NDST4: variants seen among roughly 807,000 people sequenced by gnomAD.
NDST4 encodes N-heparan sulfate sulfotransferase 4.
NDST4 carries 63 observed loss-of-function variants against 100.8 expected under a neutral mutation model. The observed-to-expected ratio is 0.62, with a 90% CI of 0.51 to 0.77. The LOEUF (loss-of-function observed/expected upper bound fraction) is 0.77, where lower values mean the gene tolerates loss of function less well. Among genes scored for constraint, NDST4 ranks in the 30% least tolerant of loss-of-function variants. The probability of loss-of-function intolerance (pLI) is 0.00; values close to 1 mark genes in which losing one functional copy is unlikely to be tolerated. For missense variants in NDST4, 943 were observed against 1,018.4 expected, an observed-to-expected ratio of 0.93 and a Z score of 1.01; for synonymous variants, 377 against 361.8, an observed-to-expected ratio of 1.04 and a Z score of -0.48.
intron 7 of NDST4, among the ~76,000 whole-genome samples, chr4:114,856,224 A>G (rs578135783): frequency 6.6e-6 from 1 of 152,008 alleles, no homozygotes; most frequent in Admixed American, 6.6e-5. Context: ...AACCATGCCC[A>G]GTTAATCTTT....
intron 13 of NDST4, 140 bp downstream of exon 13, chr4:114,829,650 C>G (rs1723151823): frequency 3.6e-6 from 2 of 549,080 alleles, no homozygotes; most frequent in Non-Finnish European, 6.3e-6. Flanking sequence ...TGTCAATTAT[C>G]TCTATCATCC....
At chr4:115,071,453 T>C (rs1359363194) in intron 2 of NDST4, among the ~76,000 whole-genome samples, 6 of 152,142 alleles carry the variant, frequency 3.9e-5, no homozygotes, top group Admixed American at 3.3e-4. Context: ...TTTTTATCCC[T>C]AACACTCTTG....
Position 114,879,664 on chromosome 4 carries a change from T to C in NDST4, c.1537-8714A>G, listed in dbSNP as rs561942263. On this transcript the variant is annotated intron_variant, in intron 6 of 13. Transcript: ENST00000264363. ...GAGTAGTAAAATACCTGGCACATAATAGGTATGCAAAAAATATTTATTGAA... is the reference window on the plus strand; with the variant it reads ...GAGTAGTAAAATACCTGGCACATAACAGGTATGCAAAAAATATTTATTGAA... 5.3e-5 allele frequency among the ~76,000 whole-genome samples: 8 copies of C among 152,284 alleles called. No individual in the cohort carries two copies. The East Asian group carries it at 1.5e-3, about 29-fold the overall frequency.
rs528938950 is a variant in NDST4, at chr4:114,878,519, T to C, written c.1537-7569A>G. Among the ~76,000 whole-genome samples the C allele has an allele frequency of 1.6e-3, 242 of 152,294 alleles. 3 individuals carry two copies. Among genetic ancestry groups the C allele is most frequent in the East Asian group, 1.5e-3 (8 of 5,186 alleles). ...TCTGAAAATATTTAAAAAATCAGATTGCTATAATATTCATATTGTTTTGAT... is the reference window on the plus strand; with the variant it reads ...TCTGAAAATATTTAAAAAATCAGATCGCTATAATATTCATATTGTTTTGAT... On this transcript the variant is annotated intron_variant, in intron 6 of 13. Coordinates refer to ENST00000264363, the MANE Select transcript of NDST4 (RefSeq NM_022569.3).
chr4:114,925,062 T>C (rs567949773), intron 6 of NDST4, among the ~76,000 whole-genome samples: 2 of 152,256 alleles, frequency 1.3e-5, no homozygotes, highest in African/African-American at 4.8e-5. Context: ...GAAATATTAA[T>C]ATATTATTTT....
intron 6 of NDST4, among the ~76,000 whole-genome samples, chr4:114,880,610 A>G (rs1421306052): frequency 6.6e-6 from 1 of 152,184 alleles, no homozygotes; most frequent in Non-Finnish European, 1.5e-5. Context: ...TATTCAAGCA[A>G]TCAACCAATT....
chr4:114,966,653 G>A (rs928720777), intron 4 of NDST4, among the ~76,000 whole-genome samples: 3 of 151,994 alleles, frequency 2.0e-5, no homozygotes, highest in African/African-American at 7.2e-5. Context: ...CTTAAAAAAA[G>A]GATTTAAAGA....
intron 2 of NDST4, among the ~76,000 whole-genome samples, chr4:114,992,357 C>A (rs1198747867): frequency 6.6e-6 from 1 of 151,676 alleles, no homozygotes; most frequent in African/African-American, 2.4e-5. Context: ...TCTTCTCACT[C>A]CCGCCCCACC....
intron 2 of NDST4, among the ~76,000 whole-genome samples, chr4:114,985,080 A>T (rs1726869921): frequency 6.6e-6 from 1 of 152,208 alleles, no homozygotes; most frequent in African/African-American, 2.4e-5. Context: ...TTAATTAATT[A>T]AAAATGAGTG....
chr4:114,982,855 G>A (rs1230664073), intron 2 of NDST4, among the ~76,000 whole-genome samples: 1 of 152,112 alleles, frequency 6.6e-6, no homozygotes, highest in African/African-American at 2.4e-5. Flanking sequence ...CAAATTCATG[G>A]CCCAGCTTCT....
intron 4 of NDST4, among the ~76,000 whole-genome samples, chr4:114,962,616 A>T (rs1726288564): frequency 6.6e-6 from 1 of 152,008 alleles, no homozygotes; most frequent in South Asian, 2.1e-4. Flanking sequence ...GAAGTTCAAA[A>T]TTTAGACTCT....
intron 2 of NDST4, among the ~76,000 whole-genome samples, chr4:114,986,533 T>A (rs1342170149): frequency 1.3e-5 from 2 of 152,052 alleles, no homozygotes; most frequent in Admixed American, 6.6e-5. Context: ...TGAAATACTG[T>A]TCAGTTCTTA....
chr4:114,944,416 C>T (rs1484127641), intron 4 of NDST4, among the ~76,000 whole-genome samples: 1 of 152,142 alleles, frequency 6.6e-6, no homozygotes, highest in Non-Finnish European at 1.5e-5. Flanking sequence ...CGCCTCTTCC[C>T]CTTCAAACTT....
In NDST4 at chr4:114,948,959, A is replaced by T. The variant is rs530118156; in HGVS notation, c.1222-11456T>A. Among the ~76,000 whole-genome samples the T allele has an allele frequency of 3.2e-3, 485 of 152,170 alleles. 3 individuals carry two copies. The highest frequency in any genetic ancestry group is 3.9e-3 in the Non-Finnish European group (268 of 67,948). Reference sequence around the variant, plus strand: ...ATAGTTTGGAGGGATTATCCAATTTAAATAGTCATATTTAGTAGAGCAGTT... The same window carrying T: ...ATAGTTTGGAGGGATTATCCAATTTTAATAGTCATATTTAGTAGAGCAGTT... On this transcript the variant is annotated intron_variant, in intron 4 of 13. Coordinates refer to ENST00000264363, the MANE Select transcript of NDST4 (RefSeq NM_022569.3).
chr4:114,863,370 C>T lies in NDST4; in HGVS notation c.1719+7398G>A, dbSNP rs79497923. Reference sequence around the variant, plus strand: ...TTAGAATCCAAATCTGGCGTTCTCTCTGCAGTTAAATTATGTGCGTGTGTG... The same window carrying T: ...TTAGAATCCAAATCTGGCGTTCTCTTTGCAGTTAAATTATGTGCGTGTGTG... On this transcript the variant is annotated intron_variant, in intron 7 of 13. Coordinates refer to ENST00000264363, the MANE Select transcript of NDST4 (RefSeq NM_022569.3). Among the ~76,000 whole-genome samples, 3 of 152,344 alleles carry T rather than the reference C, an allele frequency of 2.0e-5. No individual in the cohort carries two copies. In the East Asian group the frequency reaches 5.8e-4, roughly 29 times the overall value.
chr4:115,002,072 T>TA (rs1727303301), intron 2 of NDST4, among the ~76,000 whole-genome samples: 2 of 152,102 alleles, frequency 1.3e-5, no homozygotes, highest in South Asian at 4.1e-4. Flanking sequence ...AAAGGAGTAA[T>TA]ATAAAATGGG....
chr4:114,966,743 G>A (rs1283458310), intron 4 of NDST4, among the ~76,000 whole-genome samples: 1 of 152,068 alleles, frequency 6.6e-6, no homozygotes, highest in Non-Finnish European at 1.5e-5. Flanking sequence ...AGCTAGATAA[G>A]GATTTCATGA....
chr4:114,888,057 AG>A (rs1724516222), intron 6 of NDST4, among the ~76,000 whole-genome samples: 3 of 152,056 alleles, frequency 2.0e-5, no homozygotes, highest in Admixed American at 2.0e-4. Flanking sequence ...ACAAAAAACT[AG>A]CTGGGTGTGG....
chr4:114,979,722 A>C (rs1310071972), intron 2 of NDST4, among the ~76,000 whole-genome samples: 1 of 151,944 alleles, frequency 6.6e-6, no homozygotes, highest in Non-Finnish European at 1.5e-5. Context: ...CTAGTTAGCT[A>C]TGTGAAGAAC....
Sources: gnomAD v4.1 joint callset for allele counts (sites outside exome capture counted in the v4.1 genomes callset) on GRCh38, gnomAD v4.1.1 for gene constraint, MANE v1.5 for transcripts, NCBI Gene and HGNC (gene_info 2026-07-23, HGNC 2026-07-21) for gene names.